Variants in PDE1C observed in about 807,000 individuals in gnomAD.
PDE1C encodes the protein dual specificity calcium/calmodulin-dependent 3',5'-cyclic nucleotide phosphodiesterase 1C.
PDE1C carries 62 observed loss-of-function variants against 93.1 expected under a neutral mutation model. That is an observed-to-expected ratio of 0.67 (90% CI 0.54 to 0.82). PDE1C has a LOEUF of 0.82. PDE1C is among the 40% of genes least tolerant of loss of function. PDE1C has a pLI of 0.00. For synonymous variants in PDE1C, 325 were observed against 310.1 expected (o/e 1.05, Z -0.50); for missense variants, 742 against 884.6 (o/e 0.84, Z 2.04).
At chr7:32,193,892 G>C (rs62456302) in intron 2 of PDE1C, among the ~76,000 whole-genome samples, 1 of 148,016 alleles carries the variant, frequency 6.8e-6, no homozygotes, top group Non-Finnish European at 1.5e-5. Context: ...TAGTTTATGT[G>C]GTTTTTTTTT....
the PDE1C span, among the ~76,000 whole-genome samples, chr7:31,625,269 C>T: frequency 5.9e-4 from 64 of 108,038 alleles, no homozygotes; most frequent in African/African-American, 2.2e-3. Flanking sequence ...CATCCCATTA[C>T]TGGGTATATA....
chr7:32,221,746 T>G (rs1806884074), intron 1 of PDE1C, among the ~76,000 whole-genome samples: 1 of 151,980 alleles, frequency 6.6e-6, no homozygotes, highest in South Asian at 2.1e-4. Flanking sequence ...AATGTTTTTT[T>G]GAGAAAAATA....
chr7:31,964,311 C>T (rs1345347831), intron 2 of PDE1C, among the ~76,000 whole-genome samples: 5 of 152,216 alleles, frequency 3.3e-5, no homozygotes, highest in Non-Finnish European at 7.3e-5. Context: ...GAGATTATAC[C>T]CCACACCTGG....
At chr7:31,847,892 C>T in intron 9 of PDE1C, 76 bp downstream of exon 9, 2 of 1,506,840 alleles carry the variant, frequency 1.3e-6, no homozygotes, top group Non-Finnish European at 1.8e-6. Context: ...GTGTTCTTTT[C>T]TCAAAAACAG....
In PDE1C at chr7:32,280,587, C is replaced by T. The variant is rs147108088; in HGVS notation, c.85+18064G>A. Among the ~76,000 whole-genome samples the T allele has an allele frequency of 5.6e-3, 846 of 152,134 alleles. 4 individuals carry two copies. The highest frequency in any genetic ancestry group is 8.9e-3 in the Non-Finnish European group (606 of 67,998). On this transcript the variant is annotated intron_variant, in intron 1 of 18. Coordinates refer to the PDE1C transcript ENST00000396193. Reference sequence around the variant, plus strand: ...TTTTTCAGCGCCCATGAAACATGTACAAAAATTGATTTAGAATTGGACCAC... The same window carrying T: ...TTTTTCAGCGCCCATGAAACATGTATAAAAATTGATTTAGAATTGGACCAC...
At chr7:32,398,342 G>A (rs2128094772) in intron 1 of PDE1C, among the ~76,000 whole-genome samples, 1 of 151,436 alleles carries the variant, frequency 6.6e-6, no homozygotes, top group East Asian at 2.0e-4. Flanking sequence ...AGGAAGATCT[G>A]TATGAACTGA....
intron 2 of PDE1C, among the ~76,000 whole-genome samples, chr7:31,953,945 A>G (rs754742278): frequency 6.6e-6 from 1 of 152,220 alleles, no homozygotes; most frequent in Non-Finnish European, 1.5e-5. Flanking sequence ...TGATGATTGG[A>G]AACTTTGCCA....
chr7:32,018,776 T>C (rs1199116879), intron 2 of PDE1C, among the ~76,000 whole-genome samples: 1 of 152,152 alleles, frequency 6.6e-6, no homozygotes, highest in East Asian at 1.9e-4. Flanking sequence ...TCTGAATATA[T>C]GAAACACTGA....
At chr7:31,813,575 T>C (rs1341681005) in intron 15 of PDE1C, among the ~76,000 whole-genome samples, 2 of 152,188 alleles carry the variant, frequency 1.3e-5, no homozygotes, top group African/African-American at 4.8e-5. Context: ...AGGAGGGGCC[T>C]GTACTGCCCT....
the PDE1C span, among the ~76,000 whole-genome samples, chr7:31,636,640 G>A: frequency 1.3e-5 from 2 of 152,068 alleles, no homozygotes; most frequent in South Asian, 2.1e-4. Flanking sequence ...CCTGTCTCAC[G>A]CTCTCCTATC....
intron 3 of PDE1C, among the ~76,000 whole-genome samples, chr7:32,151,117 C>T (rs1801226117): frequency 6.6e-6 from 1 of 152,136 alleles, no homozygotes; most frequent in Admixed American, 6.5e-5. Context: ...ATTTCCTAAG[C>T]AATAAACCTT....
chr7:32,053,459 T>C (rs1350218041), intron 1 of PDE1C, among the ~76,000 whole-genome samples: 1 of 152,204 alleles, frequency 6.6e-6, no homozygotes, highest in African/African-American at 2.4e-5. Context: ...ACCTGTGCCC[T>C]TGGACTCATT....
intron 1 of PDE1C, among the ~76,000 whole-genome samples, chr7:32,227,968 G>GTCAAGCCT (rs1400366019): frequency 6.6e-6 from 1 of 152,226 alleles, no homozygotes. Flanking sequence ...ACCAGCCCCA[G>GTCAAGCCT]TCAAGCCTTC....
At chr7:32,325,940 T>C (rs1014358383) in intron 1 of PDE1C, among the ~76,000 whole-genome samples, 8 of 152,080 alleles carry the variant, frequency 5.3e-5, no homozygotes, top group Non-Finnish European at 2.9e-5. Flanking sequence ...AGACAAGAAA[T>C]GATGGTGGCT....
intron 1 of PDE1C, among the ~76,000 whole-genome samples, chr7:32,255,731 A>G (rs1376948913): frequency 6.6e-6 from 1 of 152,256 alleles, no homozygotes; most frequent in Non-Finnish European, 1.5e-5. Context: ...CACCCCAAAT[A>G]GAAAGAAAAG....
chr7:31,845,227 C>T (rs1792410362), intron 9 of PDE1C, among the ~76,000 whole-genome samples: 2 of 152,102 alleles, frequency 1.3e-5, no homozygotes, highest in Non-Finnish European at 2.9e-5. Context: ...CCAAAGTCCT[C>T]ATCTGATAAT....
chr7:32,302,149 T>C (rs1812896116), upstream of PDE1C, among the ~76,000 whole-genome samples: 1 of 152,232 alleles, frequency 6.6e-6, no homozygotes, highest in Admixed American at 6.5e-5. Flanking sequence ...TTACATAAAA[T>C]GCTTATTGAC....
At chr7:32,246,754 G>A (rs10447632) in intron 1 of PDE1C, among the ~76,000 whole-genome samples, 16,008 of 152,096 alleles carry the variant, frequency 0.11, 903 homozygotes, top group East Asian at 0.13. Flanking sequence ...ATGTTTCCTC[G>A]GATATAAATG....
chr7:31,884,428 G>GA (rs1383256607), intron 2 of PDE1C, among the ~76,000 whole-genome samples: 1 of 151,986 alleles, frequency 6.6e-6, no homozygotes, highest in Non-Finnish European at 1.5e-5. Context: ...TCTTTAAAAA[G>GA]AAAAAAACAT....
Sources: gnomAD v4.1 joint callset for allele counts (sites outside exome capture counted in the v4.1 genomes callset) on GRCh38, gnomAD v4.1.1 for gene constraint, MANE v1.5 for transcripts, NCBI Gene and HGNC (gene_info 2026-07-23, HGNC 2026-07-21) for gene names.